Variants in ASS1 observed in about 807,000 individuals in gnomAD.
ASS1 encodes argininosuccinate synthase 1, also known as argininosuccinate synthase.
In ASS1, 58 loss-of-function variants were observed where a neutral mutation model predicts 60.5. The ratio of observed to expected loss-of-function variants is 0.96; its 90% CI spans 0.78 to 1.19. The LOEUF (loss-of-function observed/expected upper bound fraction) is 1.19. ASS1 is among the 50% of genes most tolerant of loss of function. The pLI is 0.00. For missense variants in ASS1, 454 were observed against 547.3 expected, an observed-to-expected ratio of 0.83 and a Z score of 1.70; for synonymous variants, 200 against 206.9, an observed-to-expected ratio of 0.97 and a Z score of 0.29.
chr9:130,480,848 C>T (rs1015770254), intron 11 of ASS1, among the ~76,000 whole-genome samples: 4 of 152,174 alleles, frequency 2.6e-5, no homozygotes, highest in Admixed American at 6.5e-5. Flanking sequence ...CCAGGCAGGG[C>T]GAAAATCCTG....
At chr9:130,469,877 G>A (rs987051642) in intron 6 of ASS1, among the ~76,000 whole-genome samples, 1 of 152,148 alleles carries the variant, frequency 6.6e-6, no homozygotes, top group African/African-American at 2.4e-5. Context: ...GCTGCCTGTG[G>A]TTCCCACAGG....
chr9:130,477,040 T>C lies in ASS1; in HGVS notation c.688+79T>C. ...CCTTTCCCCTCCCTGCCTGGGAACC[T>C]AGGCCCTCTTTACCCCCGCCCTGCA... On this transcript the variant is annotated intron_variant, in intron 9 of 14. Coordinates refer to ENST00000352480, the MANE Select transcript of ASS1 (RefSeq NM_054012.4). This position sits in a 1 kb window ranked among gnomAD's most constrained non-coding sequence, Gnocchi z 4.2. 1 of 1,434,648 alleles carries C rather than the reference T, an allele frequency of 7.0e-7. No homozygotes were observed. Among genetic ancestry groups the C allele is most frequent in the Non-Finnish European group, 9.8e-7 (1 of 1,020,288 alleles). 88.9% of individuals were successfully genotyped at this position (1,434,648 alleles called of 1,614,324 possible).
rs763959123 is a variant in ASS1, at chr9:130,478,797, G to A, written c.689-919G>A. On this transcript the variant is annotated intron_variant, in intron 9 of 14. Coordinates refer to ENST00000352480, the MANE Select transcript of ASS1 (RefSeq NM_054012.4). The surrounding 1 kb of genome is among the most constrained non-coding windows in gnomAD (Gnocchi z 4.7). ...ACATTTAATAGCAATTTACAACCAA[G>A]TTATAAAACCCCTGGAAATGGGGGT... Among the ~76,000 whole-genome samples, 23 of 152,150 alleles carry A rather than the reference G, an allele frequency of 1.5e-4. No homozygotes were observed. Among genetic ancestry groups the A allele is most frequent in the Non-Finnish European group, 3.1e-4 (21 of 68,028 alleles).
At chr9:130,446,193 G>A (rs947872853) in intron 1 of ASS1, among the ~76,000 whole-genome samples, 2 of 152,148 alleles carry the variant, frequency 1.3e-5, no homozygotes, top group Non-Finnish European at 2.9e-5. Context: ...CTGGGGCTGA[G>A]GGCTCAGGAA....
rs572085944 is a variant in ASS1 at position 130,451,921 on chromosome 9, G to A, written c.-5-303G>A. On this transcript the variant is annotated intron_variant, in intron 1 of 14. Transcript: ENST00000352480. Reference sequence around the variant, plus strand: ...CCTTGGGCCAAACTGCTCAGCCTCAGCCGCCTTCCCTCGATGCTGGAGGAT... The same window carrying A: ...CCTTGGGCCAAACTGCTCAGCCTCAACCGCCTTCCCTCGATGCTGGAGGAT... 5.1e-4 allele frequency: 283 copies of A among 558,460 alleles called. 4 individuals carry two copies. The highest frequency in any genetic ancestry group is 4.2e-3 in the South Asian group (273 of 65,478). 34.6% of individuals were successfully genotyped at this position (558,460 alleles called of 1,614,324 possible).
intron 14 of ASS1, 98 bp downstream of exon 14, chr9:130,499,668 C>T (rs570237142): frequency 6.0e-5 from 76 of 1,277,114 alleles, no homozygotes; most frequent in Admixed American, 7.9e-5. Flanking sequence ...TTGATGCGAC[C>T]TTGACTGCTG....
rs1845847245 is a variant in ASS1 at position 130,470,744 on chromosome 9, G to T, written c.496-90G>T. ...CTTGTCTGAATGGGGGCCAGAGTTT[G>T]GGGCTCTCTGAAAAAGCAGGGCCCC... On this transcript the variant is annotated intron_variant, in intron 6 of 14. Transcript: ENST00000352480. The surrounding 1 kb of genome is among the most constrained non-coding windows in gnomAD (Gnocchi z 4.3). 7.8e-7 allele frequency: 1 copy of T among 1,280,724 alleles called. No individual in the cohort carries two copies. The highest frequency in any genetic ancestry group is 1.1e-6 in the Non-Finnish European group (1 of 879,802). The allele number at this position is 1,280,724 out of a possible 1,614,324, so 79.3% of individuals were successfully genotyped here.
At position 130,495,856 on chromosome 9, in the gene ASS1, A is replaced by G. The variant is rs573532485; in HGVS notation, c.1127+833A>G. On this transcript the variant is annotated intron_variant, in intron 13 of 14. Coordinates refer to ENST00000352480, the MANE Select transcript of ASS1 (RefSeq NM_054012.4). Reference sequence around the variant, plus strand: ...TGTGGAGGGAGATGGAGGGTCCAGAATCACCCTGGTGTCTGGGGTCGTGAG... The same window carrying G: ...TGTGGAGGGAGATGGAGGGTCCAGAGTCACCCTGGTGTCTGGGGTCGTGAG... Among the ~76,000 whole-genome samples the G allele has an allele frequency of 2.6e-5, 4 of 152,278 alleles. No individual in the cohort carries two copies. In the South Asian group the frequency reaches 8.3e-4, roughly 32 times the overall value.
At chr9:130,471,642 C>T (rs920751996) in intron 8 of ASS1, 127 bp downstream of exon 8, 5 of 1,169,060 alleles carry the variant, frequency 4.3e-6, no homozygotes, top group East Asian at 2.5e-5. Flanking sequence ...GGGCTGGGGC[C>T]GAGCCCTGCC....
chr9:130,486,603 T>G (rs1588501394), intron 11 of ASS1, among the ~76,000 whole-genome samples: 2 of 152,316 alleles, frequency 1.3e-5, no homozygotes, highest in African/African-American at 4.8e-5. Context: ...GGCTTGGATC[T>G]CTGCATAAAC....
At chr9:130,483,938 C>G (rs1846236670) in intron 11 of ASS1, among the ~76,000 whole-genome samples, 1 of 152,120 alleles carries the variant, frequency 6.6e-6, no homozygotes, top group Admixed American at 6.6e-5. Flanking sequence ...GGGCTGTCAC[C>G]CACTTGCCCA....
chr9:130,446,516 G>T (rs1845200288), intron 1 of ASS1, among the ~76,000 whole-genome samples: 1 of 152,158 alleles, frequency 6.6e-6, no homozygotes, highest in Non-Finnish European at 1.5e-5. Flanking sequence ...TGTGGGGGTG[G>T]ATCAAGTGAA....
At chr9:130,480,135 A>G (rs1225873204) in intron 10 of ASS1, among the ~76,000 whole-genome samples, 1 of 152,220 alleles carries the variant, frequency 6.6e-6, no homozygotes, top group Admixed American at 6.5e-5. Context: ...GCCCCAGGAC[A>G]CAGGGAACGG....
In ASS1 at chr9:130,489,269, C is replaced by A; in HGVS notation, c.839-64C>A. On this transcript the variant is annotated intron_variant, in intron 11 of 14. Coordinates refer to ENST00000352480, the MANE Select transcript of ASS1 (RefSeq NM_054012.4). This position sits in a 1 kb window ranked among gnomAD's most constrained non-coding sequence, Gnocchi z 4.1. ...TATTTTTTTTTTTGTCATTTGCTGA[C>A]AGTTTGGGTTTCATGCGTTTCTCTC... The A allele has an allele frequency of 6.3e-7, 1 of 1,584,364 alleles. No individual in the cohort carries two copies.
In ASS1 at chr9:130,489,058, G is replaced by A. The variant is rs577886069; in HGVS notation, c.839-275G>A. Among the ~76,000 whole-genome samples, 11 of 152,174 alleles carry A rather than the reference G, an allele frequency of 7.2e-5. No individual in the cohort carries two copies. Among genetic ancestry groups the A allele is most frequent in the Admixed American group, 5.2e-4 (8 of 15,288 alleles). ...ATGGGGAGGGAGGGGTTGCTGCTCCGAAACCCTGTCATTTTCTAGCGTCTG... is the reference window on the plus strand; with the variant it reads ...ATGGGGAGGGAGGGGTTGCTGCTCCAAAACCCTGTCATTTTCTAGCGTCTG... On this transcript the variant is annotated intron_variant, in intron 11 of 14. Transcript: ENST00000352480. The surrounding 1 kb of genome is among the most constrained non-coding windows in gnomAD (Gnocchi z 4.1).
intron 8 of ASS1, among the ~76,000 whole-genome samples, chr9:130,474,414 G>A (rs565122438): frequency 1.3e-5 from 2 of 152,184 alleles, no homozygotes; most frequent in African/African-American, 4.8e-5. Flanking sequence ...AGTGTGGCGG[G>A]AGAGAAAGTG....
At chr9:130,458,637 G>A in intron 4 of ASS1, 48 bp downstream of exon 4, 1 of 1,590,940 alleles carries the variant, frequency 6.3e-7, no homozygotes, top group Non-Finnish European at 8.6e-7. Context: ...AGGCGGAGGG[G>A]TGTGGGAAGG....
At chr9:130,481,518 G>A (rs1392072144) in intron 11 of ASS1, among the ~76,000 whole-genome samples, 4 of 152,162 alleles carry the variant, frequency 2.6e-5, no homozygotes, top group African/African-American at 7.2e-5. Flanking sequence ...AAAGAGAGCC[G>A]ATCACCCCAT....
chr9:130,461,561 G>A (rs1215981), intron 4 of ASS1, among the ~76,000 whole-genome samples: 96,470 of 152,048 alleles, frequency 0.63, 31,003 homozygotes, highest in Admixed American at 0.71. Flanking sequence ...CGGGGATGCC[G>A]GGGAGTAGGT....
Sources: allele counts gnomAD v4.1 joint callset (sites outside exome capture counted in the v4.1 genomes callset), GRCh38; gene constraint gnomAD v4.1.1; non-coding constraint Gnocchi (gnomAD v3.1); transcripts MANE v1.5; gene names NCBI Gene and HGNC (gene_info 2026-07-23, HGNC 2026-07-21).